Variants in NOXRED1 observed in about 807,000 individuals in gnomAD.
The protein encoded by NOXRED1 is NADP dependent oxidoreductase domain containing 1, also known as NADP-dependent oxidoreductase domain-containing protein 1.
Under a neutral mutation model 30.4 loss-of-function variants are expected in NOXRED1, and 20 were observed. The ratio of observed to expected loss-of-function variants is 0.66; its 90% CI spans 0.46 to 0.96. NOXRED1 has a LOEUF of 0.96. NOXRED1 is among the 40% of genes least tolerant of loss of function. The pLI is 0.00. For missense variants in NOXRED1, 374 were observed against 428.0 expected (o/e 0.87, Z 1.11); for synonymous variants, 155 against 168.0 (o/e 0.92, Z 0.60).
intron 3 of NOXRED1, 113 bp downstream of exon 3, chr14:77,407,352 A>G (rs969006875): frequency 8.0e-6 from 6 of 751,458 alleles, no homozygotes; most frequent in Middle Eastern, 3.9e-4. Context: ...CCTCCTTATT[A>G]CTGGAAACAA....
chr14:77,411,610 A>G (rs1207329183), intron 2 of NOXRED1, among the ~76,000 whole-genome samples: 3 of 152,240 alleles, frequency 2.0e-5, no homozygotes, highest in Non-Finnish European at 2.9e-5. Context: ...CTATGGTGAC[A>G]GAAATCAGAT....
intron 2 of NOXRED1, among the ~76,000 whole-genome samples, chr14:77,412,887 C>T (rs1894700191): frequency 6.6e-6 from 1 of 151,330 alleles, no homozygotes; most frequent in Non-Finnish European, 1.5e-5. Flanking sequence ...CAACTGTATA[C>T]AGTGTCGATT....
chr14:77,408,169 A>G (rs1250893399), intron 2 of NOXRED1, among the ~76,000 whole-genome samples: 5 of 152,156 alleles, frequency 3.3e-5, no homozygotes, highest in Non-Finnish European at 7.4e-5. Context: ...CGCCTGGCCT[A>G]TAATTCACCT....
intron 1 of NOXRED1, 77 bp downstream of exon 1, chr14:77,422,658 T>A (rs1036580213): frequency 7.6e-6 from 11 of 1,445,334 alleles, no homozygotes; most frequent in Non-Finnish European, 9.7e-6. Flanking sequence ...CCCTCCAATA[T>A]AAAAAAAATT....
At chr14:77,413,762 G>A (rs560757406) in intron 2 of NOXRED1, among the ~76,000 whole-genome samples, 172 bp downstream of exon 2, 32 of 152,258 alleles carry the variant, frequency 2.1e-4, no homozygotes, top group Middle Eastern at 3.4e-3. Flanking sequence ...AAAAAAAGTC[G>A]CTTTAAAGAA....
intron 1 of NOXRED1, among the ~76,000 whole-genome samples, chr14:77,419,071 T>TC (rs112414470): frequency 2.2e-5 from 2 of 90,478 alleles, no homozygotes; most frequent in Non-Finnish European, 5.3e-5. Flanking sequence ...TTTCTTTCTC[T>TC]TTTTTTTTTT....
intron 2 of NOXRED1, among the ~76,000 whole-genome samples, chr14:77,409,513 A>T (rs1894586334): frequency 6.6e-6 from 1 of 152,182 alleles, no homozygotes; most frequent in Admixed American, 6.5e-5. Context: ...TTTGTTTATA[A>T]ATTACCCAGT....
intron 2 of NOXRED1, among the ~76,000 whole-genome samples, chr14:77,411,398 A>T (rs921342697): frequency 7.3e-6 from 1 of 136,100 alleles, no homozygotes; most frequent in Non-Finnish European, 1.6e-5. Context: ...TGAACCCGGG[A>T]GGCTGAGGTT....
In NOXRED1 at chr14:77,412,377, A is replaced by G. The variant is rs538920198; in HGVS notation, c.349+1557T>C. Among the ~76,000 whole-genome samples, 4 of 152,292 alleles carry G rather than the reference A, an allele frequency of 2.6e-5. No homozygotes were observed. The South Asian group carries it at 8.3e-4, about 32-fold the overall frequency. On this transcript the variant is annotated intron_variant, in intron 2 of 5. Transcript: ENST00000380835. ...CTAGTGGTCTTAGCCACTGCTGGGC[A>G]CAACTACATAGTCTGTGCATCCAAA... is the stretch of plus-strand genomic sequence containing the variant.
intron 5 of NOXRED1, among the ~76,000 whole-genome samples, chr14:77,398,706 C>T (rs190048013): frequency 6.6e-5 from 10 of 152,346 alleles, no homozygotes; most frequent in Non-Finnish European, 1.2e-4. Context: ...TGCGATGGCT[C>T]ATGCCTGTAA....
intron 2 of NOXRED1, among the ~76,000 whole-genome samples, chr14:77,409,511 T>C (rs1292415075): frequency 1.3e-5 from 2 of 152,176 alleles, no homozygotes; most frequent in Non-Finnish European, 2.9e-5. Flanking sequence ...CTTTTGTTTA[T>C]AAATTACCCA....
intron 5 of NOXRED1, among the ~76,000 whole-genome samples, chr14:77,397,395 G>A (rs533196596): frequency 6.6e-6 from 1 of 152,316 alleles, no homozygotes; most frequent in Admixed American, 6.5e-5. Flanking sequence ...GCTGTGAGGA[G>A]GCAACATGAA....
At chr14:77,411,744 G>A (rs1368142989) in intron 2 of NOXRED1, among the ~76,000 whole-genome samples, 2 of 152,026 alleles carry the variant, frequency 1.3e-5, no homozygotes, top group East Asian at 1.9e-4. Context: ...AGTTGTATAC[G>A]TGTCAAAACA....
intron 1 of NOXRED1, among the ~76,000 whole-genome samples, chr14:77,416,404 C>T (rs541558719): frequency 1.3e-5 from 2 of 152,242 alleles, no homozygotes; most frequent in East Asian, 3.9e-4. Flanking sequence ...GGTGATGACT[C>T]TTAAGGAGCA....
intron 3 of NOXRED1, 117 bp downstream of exon 3, chr14:77,407,345 CCTT>C (rs1373198422): frequency 4.1e-6 from 3 of 728,238 alleles, no homozygotes; most frequent in East Asian, 2.5e-5. Flanking sequence ...GCTGCTTCCT[CCTT>C]ATTACTGGAA....
intron 2 of NOXRED1, among the ~76,000 whole-genome samples, chr14:77,412,665 A>G (rs946501815): frequency 1.3e-5 from 2 of 151,886 alleles, no homozygotes; most frequent in Non-Finnish European, 2.9e-5. Context: ...GGAACCCACC[A>G]CTACACCTGG....
chr14:77,418,430 A>G (rs1422270564), intron 1 of NOXRED1, among the ~76,000 whole-genome samples: 3 of 151,336 alleles, frequency 2.0e-5, no homozygotes, highest in Non-Finnish European at 4.4e-5. Context: ...CCACCGTGCC[A>G]AGCCTATTTT....
Position 77,404,027 on chromosome 14 carries a change from T to C in NOXRED1, c.905+1886A>G, listed in dbSNP as rs146650760. 4.1e-3 allele frequency among the ~76,000 whole-genome samples: 628 copies of C among 152,284 alleles called. 1 individual carries two copies. The highest frequency in any genetic ancestry group is 0.014 in the African/African-American group (601 of 41,562). ...CTCAAAATTTTAAGGGAAAATTATT[T>C]CCAACCTGCAATTCTATACCTGGCT... On this transcript the variant is annotated intron_variant, in intron 5 of 5. Transcript: ENST00000380835.
Position 77,414,058 on chromosome 14 carries a change from T to C in NOXRED1, c.225A>G (p.Glu75=), listed in dbSNP as rs1249251985. The C allele has an allele frequency of 1.9e-6, 3 of 1,611,044 alleles. No homozygotes were observed. The East Asian group carries it at 6.7e-5, about 36-fold the overall frequency. ...SIGSLNSATP[E]EFKVGIIGGG... is the part of the protein sequence containing the mutation. ...CTCCAATGATGCCCACCTTAAACTC[T>C]TCAGGAGTGGCTGAATTAAGGGAGC... The change falls in exon 2 of 6, where the codon GAA becomes GAG. Residue 75 remains glutamate (E), a synonymous_variant. Coordinates refer to ENST00000380835, the MANE Select transcript of NOXRED1 (RefSeq NM_001113475.3).
Sources: gnomAD v4.1 joint callset for allele counts (sites outside exome capture counted in the v4.1 genomes callset) on GRCh38, gnomAD v4.1.1 for gene constraint, MANE v1.5 for transcripts, NCBI Gene and HGNC (gene_info 2026-07-23, HGNC 2026-07-21) for gene names.